Variants in KAZN observed in about 807,000 individuals in gnomAD.
KAZN encodes the protein kazrin, periplakin interacting protein.
In KAZN, 40 loss-of-function variants were observed where a neutral mutation model predicts 87.4. The ratio of observed to expected loss-of-function variants is 0.46; its 90% CI spans 0.36 to 0.60. The LOEUF is 0.60. Among genes scored for constraint, KAZN ranks in the 20% least tolerant of loss-of-function variants. The pLI, the probability that KAZN is intolerant of heterozygous loss-of-function variation, is 0.00. For synonymous variants in KAZN, 466 were observed against 458.3 expected (o/e 1.02, Z -0.22); for missense variants, 898 against 1,073.9 (o/e 0.84, Z 2.29).
intron 2 of KAZN, among the ~76,000 whole-genome samples, chr1:14,352,662 G>C (rs1021429525): frequency 6.6e-6 from 1 of 151,942 alleles, no homozygotes; most frequent in African/African-American, 2.4e-5. Context: ...TCACGTGAGA[G>C]AAAAAAAGGC....
chr1:14,792,252 T>G (rs1243469497), intron 1 of KAZN, among the ~76,000 whole-genome samples: 1 of 152,144 alleles, frequency 6.6e-6, no homozygotes, highest in Non-Finnish European at 1.5e-5. Context: ...CAAGCTAGCA[T>G]CCCTGCCCCC....
At chr1:14,363,300 C>T (rs1467806856) in intron 2 of KAZN, among the ~76,000 whole-genome samples, 1 of 152,190 alleles carries the variant, frequency 6.6e-6, no homozygotes, top group Non-Finnish European at 1.5e-5. Context: ...ACATCTCCGT[C>T]TCCCACCTCA....
At chr1:14,879,758 C>T (rs1277129176) in intron 1 of KAZN, among the ~76,000 whole-genome samples, 1 of 152,124 alleles carries the variant, frequency 6.6e-6, no homozygotes, top group Non-Finnish European at 1.5e-5. Context: ...GAATGTAGAC[C>T]GTCCCCCACA....
Position 15,060,179 on chromosome 1 carries a change from G to T in KAZN, c.924G>T (p.Arg308Ser). 6.2e-7 allele frequency: 1 copy of T among 1,614,178 alleles called. No individual in the cohort carries two copies. Among genetic ancestry groups the T allele is most frequent in the Non-Finnish European group, 8.5e-7 (1 of 1,180,028 alleles). Residue 308 changes from arginine to serine, a missense_variant, in exon 6 of 15, where the codon AGG (arginine) becomes AGT (serine). Around this residue, in one of 3 missense-constraint regions of KAZN, gnomAD observed 521 missense variants for 689.4 expected, o/e 0.76. Transcript: ENST00000376030. The stretch of plus-strand genomic sequence containing the variant: ...GCTGTCCCTGCTTTCCAGCGGTCAG[G>T]GTGAGCCCCTGCCACTCCCGGCAGC... ...PPHPADRQAV[R>S]VSPCHSRQPS... is the part of the protein sequence containing the mutation.
intron 2 of KAZN, among the ~76,000 whole-genome samples, chr1:14,406,013 A>G (rs1313390958): frequency 6.6e-6 from 1 of 152,224 alleles, no homozygotes; most frequent in Non-Finnish European, 1.5e-5. Flanking sequence ...GTAATGAATA[A>G]TAAGACCTAC....
At chr1:14,209,823 A>G (rs767147417) in intron 2 of KAZN, among the ~76,000 whole-genome samples, 7 of 152,156 alleles carry the variant, frequency 4.6e-5, no homozygotes, top group East Asian at 1.9e-4. Flanking sequence ...TGTGTCCCCA[A>G]TGATGACAAT....
chr1:14,178,860 T>C (rs1646137859), intron 1 of KAZN, among the ~76,000 whole-genome samples: 1 of 152,206 alleles, frequency 6.6e-6, no homozygotes, highest in Non-Finnish European at 1.5e-5. Flanking sequence ...TTCACCTCTT[T>C]CATGGCTTAC....
chr1:14,399,922 C>T (rs1663244118), intron 2 of KAZN, among the ~76,000 whole-genome samples: 1 of 152,142 alleles, frequency 6.6e-6, no homozygotes. Context: ...CATCATTTCC[C>T]ACATGACTTA....
In KAZN at chr1:15,096,851, A is replaced by C. The variant is rs375501163; in HGVS notation, c.1547+1918A>C. ...AAAGGCCCCAGCCACAAATACCATC[A>C]CATCGAAGGTTAGGATTTCAGCATG... On this transcript the variant is annotated intron_variant, in intron 10 of 14. Transcript: ENST00000376030. This position sits in a 1 kb window ranked among gnomAD's most constrained non-coding sequence, Gnocchi z 4.5. Among the ~76,000 whole-genome samples, 34 of 152,274 alleles carry C rather than the reference A, an allele frequency of 2.2e-4. 1 individual carries two copies. The highest frequency in any genetic ancestry group is 7.9e-4 in the African/African-American group (33 of 41,562).
chr1:14,365,374 G>A (rs867250908), intron 2 of KAZN, among the ~76,000 whole-genome samples: 1 of 150,476 alleles, frequency 6.6e-6, no homozygotes, highest in African/African-American at 2.4e-5. Flanking sequence ...GGGGTGGGGG[G>A]GGGGGGGGTC....
intron 1 of KAZN, among the ~76,000 whole-genome samples, chr1:14,775,625 C>T (rs1270405737): frequency 3.9e-5 from 6 of 152,236 alleles, no homozygotes; most frequent in African/African-American, 1.4e-4. Context: ...GGACGTAAAA[C>T]ATGCGCCATG....
chr1:14,803,958 G>A lies in KAZN; in HGVS notation c.227-156726G>A, dbSNP rs1646123188. On this transcript the variant is annotated intron_variant, in intron 1 of 14. Coordinates refer to ENST00000376030, the MANE Select transcript of KAZN (RefSeq NM_201628.3). ...GAGCCCGCTCACACCCCAGCACCCA[G>A]AAAGATAAACACTGTCCCCTAGTCC... 2.0e-5 allele frequency among the ~76,000 whole-genome samples: 3 copies of A among 152,252 alleles called. 1 individual carries two copies. The South Asian group carries it at 6.2e-4, about 31-fold the overall frequency.
At chr1:14,512,686 C>G (rs1421366127) in intron 2 of KAZN, among the ~76,000 whole-genome samples, 2 of 152,230 alleles carry the variant, frequency 1.3e-5, no homozygotes, top group East Asian at 3.9e-4. Flanking sequence ...CACAGCCTGC[C>G]GGCTGCTGTT....
At chr1:14,160,653 G>A (rs1645690028) in intron 1 of KAZN, among the ~76,000 whole-genome samples, 1 of 152,166 alleles carries the variant, frequency 6.6e-6, no homozygotes, top group African/African-American at 2.4e-5. Context: ...GCAAGAATCG[G>A]TGGAGTCTTC....
rs368539756 is a variant in KAZN, at chr1:14,022,789, T to C, written c.91+129033T>C. 2.6e-5 allele frequency among the ~76,000 whole-genome samples: 4 copies of C among 152,098 alleles called. No homozygotes were observed. The East Asian group carries it at 7.7e-4, about 29-fold the overall frequency. On this transcript the variant is annotated intron_variant, in intron 1 of 16. Transcript: ENST00000636203. ...AACAGTTAATGACAGAGTACAGTAA[T>C]AGAGTTTTCCAGATTTTCTTGAAAG...
At chr1:15,046,882 G>T (rs10927657) in intron 4 of KAZN, among the ~76,000 whole-genome samples, 55,245 of 152,090 alleles carry the variant, frequency 0.36, 10,633 homozygotes, top group Middle Eastern at 0.48. Flanking sequence ...GTTCTCCCAG[G>T]TCTTTCTCAT....
At chr1:14,058,482 C>T (rs561843708) in intron 1 of KAZN, among the ~76,000 whole-genome samples, 1 of 152,310 alleles carries the variant, frequency 6.6e-6, no homozygotes, top group African/African-American at 2.4e-5. Context: ...AATATCTCCA[C>T]ATGACACCAA....
At position 14,728,287 on chromosome 1, in the gene KAZN, TATAAAAA is replaced by T. The variant is rs1180548782; in HGVS notation, c.226+129066_226+129072del. Among the ~76,000 whole-genome samples, 228 of 70,412 alleles carry T rather than the reference TATAAAAA, an allele frequency of 3.2e-3. 1 individual carries two copies. The highest frequency in any genetic ancestry group is 0.011 in the African/African-American group (201 of 17,614). The allele number at this position is 70,412 out of a possible 152,430, so 46.2% of individuals were successfully genotyped here. A position where few individuals can be genotyped will look rare whatever the true frequency, so the allele number is the denominator to read the frequency against. ...GGCAGCAAGAGTGAAACACCGTATA[TATAAAAA>T]AAAAAAAAAAAAAAAAAAAAGAATC... On this transcript the variant is annotated intron_variant, in intron 1 of 14. Transcript: ENST00000376030.
intron 8 of KAZN, among the ~76,000 whole-genome samples, chr1:15,072,835 C>A (rs1263036245): frequency 6.6e-6 from 1 of 151,478 alleles, no homozygotes; most frequent in Admixed American, 6.6e-5. Flanking sequence ...GCCCCAAGCC[C>A]CCTCTCAGGG....
Sources: gnomAD v4.1 joint callset for allele counts (sites outside exome capture counted in the v4.1 genomes callset) on GRCh38, gnomAD v4.1.1 for gene constraint, gnomAD v4.1.1 regional missense constraint, Gnocchi (gnomAD v3.1) non-coding constraint, MANE v1.5 for transcripts, NCBI Gene and HGNC (gene_info 2026-07-23, HGNC 2026-07-21) for gene names.